The following PTPRN2 variants were observed in gnomAD, a reference collection of about 807,000 sequenced individuals.
PTPRN2 encodes protein tyrosine phosphatase receptor type N2.
A neutral mutation model predicts 118.8 loss-of-function variants in PTPRN2; 74 were observed. The observed-to-expected ratio is 0.62, with a 90% confidence interval of 0.52 to 0.76. PTPRN2 has a LOEUF of 0.76. Among genes scored for constraint, PTPRN2 ranks in the 30% least tolerant of loss-of-function variants. PTPRN2 has a pLI of 0.00. For missense variants in PTPRN2, 1,481 were observed against 1,394.4 expected, an observed-to-expected ratio of 1.06 and a Z score of -0.99; for synonymous variants, 641 against 608.0, an observed-to-expected ratio of 1.05 and a Z score of -0.80.
chr7:157,646,745 A>T (rs563300210), intron 14 of PTPRN2, among the ~76,000 whole-genome samples: 1 of 152,348 alleles, frequency 6.6e-6, no homozygotes, highest in African/African-American at 2.4e-5. Flanking sequence ...GGGAGGCTCT[A>T]GAACGTCCCC....
chr7:157,770,055 T>C (rs1365646971), intron 12 of PTPRN2, among the ~76,000 whole-genome samples: 4 of 152,220 alleles, frequency 2.6e-5, no homozygotes, highest in African/African-American at 9.6e-5. Context: ...GCTTCCTTGG[T>C]CTCCGAGCCT....
At chr7:158,444,719 G>A (rs1265064326) in intron 2 of PTPRN2, among the ~76,000 whole-genome samples, 1 of 152,184 alleles carries the variant, frequency 6.6e-6, no homozygotes, top group Admixed American at 6.5e-5. Flanking sequence ...GCCTCAGCCT[G>A]TCTCCCTTTC....
chr7:157,679,968 A>G (rs1174965245), intron 13 of PTPRN2, among the ~76,000 whole-genome samples: 3 of 152,020 alleles, frequency 2.0e-5, no homozygotes, highest in Non-Finnish European at 2.9e-5. Flanking sequence ...CGTCTCCTCC[A>G]CTCCATCAGA....
Position 158,192,451 on chromosome 7 carries a change from T to C in PTPRN2, c.425A>G (p.Glu142Gly), listed in dbSNP as rs1392861922. 3 of 1,571,504 alleles carry C rather than the reference T, an allele frequency of 1.9e-6. No individual in the cohort carries two copies. The highest frequency in any genetic ancestry group is 2.6e-6 in the Non-Finnish European group (3 of 1,165,038). ...GGCGTTGGCCAGGGCAGCACCGCCC[T>C]CCCGACTGTACCTCCTCTCGCTGCC... ...SVGSERRYSR[E>G]GGAALANALR... The change falls in exon 5 of 23, where the codon GAG (glutamate) becomes GGG (glycine). Residue 142 changes from glutamate to glycine, a missense_variant. Physicochemically the swap from Glu to Gly is moderately conservative, Grantham distance 98. Transcript: ENST00000389418.
intron 11 of PTPRN2, among the ~76,000 whole-genome samples, chr7:158,065,036 G>A (rs1563379999): frequency 1.3e-5 from 2 of 152,244 alleles, no homozygotes; most frequent in South Asian, 2.1e-4. Context: ...ATGGTGCTGC[G>A]CATCTGGTAA....
intron 1 of PTPRN2, among the ~76,000 whole-genome samples, chr7:158,562,473 C>T (rs1367422740): frequency 6.6e-6 from 1 of 152,148 alleles, no homozygotes; most frequent in Non-Finnish European, 1.5e-5. Context: ...CCTCCATCTG[C>T]CCTTTACATG....
At chr7:158,458,818 A>C (rs1670372) in intron 2 of PTPRN2, among the ~76,000 whole-genome samples, 83,754 of 152,046 alleles carry the variant, frequency 0.55, 23,278 homozygotes, top group African/African-American at 0.56. Flanking sequence ...TCCCAGCAAC[A>C]AGCACAGAGT....
At chr7:157,750,961 C>T (rs1563071416) in intron 12 of PTPRN2, among the ~76,000 whole-genome samples, 1 of 152,214 alleles carries the variant, frequency 6.6e-6, no homozygotes, top group Non-Finnish European at 1.5e-5. Context: ...GGCCGTGGAA[C>T]CTTCTGGCCG....
intron 2 of PTPRN2, among the ~76,000 whole-genome samples, chr7:158,329,367 AC>A (rs1803937956): frequency 6.6e-6 from 1 of 151,836 alleles, no homozygotes; most frequent in African/African-American, 2.4e-5. Context: ...TTAAACCCCC[AC>A]CCCAAGCCCA....
At chr7:158,572,660 A>T (rs112898266) in intron 1 of PTPRN2, among the ~76,000 whole-genome samples, 1,529 of 152,270 alleles carry the variant, frequency 0.01, 21 homozygotes, top group African/African-American at 0.035. Flanking sequence ...CCTCTGACTC[A>T]TCACTGTGAT....
intron 1 of PTPRN2, among the ~76,000 whole-genome samples, chr7:158,531,314 T>A (rs558674777): frequency 6.6e-6 from 1 of 152,244 alleles, no homozygotes; most frequent in African/African-American, 2.4e-5. Flanking sequence ...GCCAAGGCTG[T>A]CAGTTCACAT....
chr7:158,107,591 C>A (rs1218034748), intron 10 of PTPRN2, among the ~76,000 whole-genome samples: 1 of 152,332 alleles, frequency 6.6e-6, no homozygotes, highest in Admixed American at 6.5e-5. Context: ...TGAGGCCCTA[C>A]TTGCCTGTTT....
At chr7:158,365,970 A>ACACACACC (rs1809453110) in intron 2 of PTPRN2, among the ~76,000 whole-genome samples, 2 of 143,836 alleles carry the variant, frequency 1.4e-5, no homozygotes, top group African/African-American at 2.6e-5. Context: ...GCACACATGC[A>ACACACACC]CACACACCCA....
intron 2 of PTPRN2, among the ~76,000 whole-genome samples, chr7:158,331,342 C>T (rs1225314781): frequency 7.6e-6 from 1 of 131,968 alleles, no homozygotes; most frequent in African/African-American, 3.1e-5. Context: ...GTCACTCACA[C>T]CCATACTCTC....
intron 11 of PTPRN2, among the ~76,000 whole-genome samples, chr7:157,973,756 A>G (rs1455097614): frequency 6.6e-6 from 1 of 152,238 alleles, no homozygotes; most frequent in African/African-American, 2.4e-5. Flanking sequence ...GCAATGTAAA[A>G]TTTAAAAAGA....
chr7:157,905,274 G>A (rs966591557), intron 11 of PTPRN2, among the ~76,000 whole-genome samples: 3 of 152,156 alleles, frequency 2.0e-5, no homozygotes, highest in Admixed American at 6.5e-5. Flanking sequence ...CATGTTGAAG[G>A]AGGAAAAGAA....
intron 11 of PTPRN2, among the ~76,000 whole-genome samples, chr7:157,998,407 A>G (rs1453638520): frequency 1.3e-5 from 2 of 152,328 alleles, no homozygotes; most frequent in Non-Finnish European, 1.5e-5. Flanking sequence ...TGAGGACAGC[A>G]GACCACCTGC....
chr7:158,161,125 T>C (rs1249124706), intron 6 of PTPRN2, among the ~76,000 whole-genome samples: 2 of 152,196 alleles, frequency 1.3e-5, no homozygotes, highest in Non-Finnish European at 2.9e-5. Context: ...AAAGACTCAA[T>C]ATTGTCAGCA....
At chr7:158,071,762 C>CGTGGTGGTTGAGGTGCTT in intron 11 of PTPRN2, among the ~76,000 whole-genome samples, 1 of 80,574 alleles carries the variant, frequency 1.2e-5, no homozygotes, top group Non-Finnish European at 2.2e-5. Context: ...TGGAGGTGCT[C>CGTGGTGGTTGAGGTGCTT]GTGGTGATGG....
Sources: allele counts gnomAD v4.1 joint callset (sites outside exome capture counted in the v4.1 genomes callset), GRCh38; gene constraint gnomAD v4.1.1; transcripts MANE v1.5; gene names NCBI Gene and HGNC (gene_info 2026-07-23, HGNC 2026-07-21).